The following YAF2 variants were observed in gnomAD, a reference collection of about 807,000 sequenced individuals.
The protein encoded by YAF2 is YY1 associated factor 2.
Under a neutral mutation model 20.1 loss-of-function variants are expected in YAF2, and 7 were observed. The observed-to-expected ratio is 0.35, with a 90% CI of 0.20 to 0.65. YAF2 has a LOEUF of 0.65. YAF2 is among the 30% of genes least tolerant of loss of function. The probability of loss-of-function intolerance (pLI) is 0.69; values close to 1 mark genes in which losing one functional copy is unlikely to be tolerated. For missense variants in YAF2, 151 were observed against 219.2 expected (o/e 0.69, Z 1.96); for synonymous variants, 74 against 76.0 (o/e 0.97, Z 0.14).
intron 2 of YAF2, among the ~76,000 whole-genome samples, chr12:42,176,338 C>T (rs566749109): frequency 6.6e-6 from 1 of 152,096 alleles, no homozygotes; most frequent in South Asian, 2.1e-4. Context: ...CCAGACTGGT[C>T]TCAAACTTCT....
chr12:42,230,354 C>G (rs1235172892), intron 2 of YAF2, among the ~76,000 whole-genome samples: 3 of 152,098 alleles, frequency 2.0e-5, no homozygotes, highest in African/African-American at 7.2e-5. Context: ...TGACACAGCA[C>G]AGGATTGGGA....
At chr12:42,230,165 G>A (rs976249297) in intron 2 of YAF2, among the ~76,000 whole-genome samples, 5 of 152,178 alleles carry the variant, frequency 3.3e-5, no homozygotes, top group African/African-American at 1.2e-4. Context: ...GCTGAGGCAG[G>A]AGAATCGCTC....
At chr12:42,172,523 G>T (rs1446748208) in intron 2 of YAF2, among the ~76,000 whole-genome samples, 2 of 152,036 alleles carry the variant, frequency 1.3e-5, no homozygotes, top group African/African-American at 4.8e-5. Flanking sequence ...AAGCGACTAG[G>T]GCAGGGGCTA....
intron 2 of YAF2, among the ~76,000 whole-genome samples, chr12:42,219,876 G>C (rs2067464603): frequency 1.3e-5 from 2 of 152,158 alleles, no homozygotes; most frequent in Admixed American, 6.5e-5. Flanking sequence ...TAACGCCACT[G>C]GTCTGTGGAC....
At chr12:42,205,832 T>C (rs1430815740) in intron 2 of YAF2, 1 of 353,738 alleles carries the variant, frequency 2.8e-6, no homozygotes, top group Non-Finnish European at 5.8e-6. Flanking sequence ...TATAAATTTA[T>C]CCCCAAGTAC....
intron 2 of YAF2, among the ~76,000 whole-genome samples, chr12:42,207,531 T>C (rs561759707): frequency 1.5e-3 from 222 of 152,270 alleles, no homozygotes; most frequent in African/African-American, 4.4e-3. Context: ...GAAAAATTGT[T>C]TTTAAGAAAA....
rs763774168 is a variant in YAF2 at position 42,210,608 on chromosome 12, A to G, written c.152+26991T>C. 163 of 1,536,004 alleles carry G rather than the reference A, an allele frequency of 1.1e-4. No homozygotes were observed. The highest frequency in any genetic ancestry group is 1.4e-4 in the Non-Finnish European group (157 of 1,146,916). On this transcript the variant is annotated intron_variant, in intron 2 of 3. Transcript: ENST00000534854. ...CCTCGAGGCACTCACAATAACTTCA[A>G]ACAATGTGGATCTGTGGAGATTACC...
chr12:42,237,546 C>T, intron 2 of YAF2, 53 bp downstream of exon 2: 1 of 1,470,954 alleles, frequency 6.8e-7, no homozygotes, highest in South Asian at 1.3e-5. Context: ...CAAGGGCGTC[C>T]TCTGGTCGCC....
chr12:42,217,165 T>C (rs2067379393), intron 2 of YAF2, among the ~76,000 whole-genome samples: 1 of 152,240 alleles, frequency 6.6e-6, no homozygotes, highest in Admixed American at 6.5e-5. Context: ...ATTATACTGA[T>C]GGTAAAAGAA....
chr12:42,202,706 T>C (rs2066932965), intron 2 of YAF2, among the ~76,000 whole-genome samples: 1 of 152,200 alleles, frequency 6.6e-6, no homozygotes. Context: ...TGGCATGATC[T>C]CGGCTCACTG....
chr12:42,192,660 G>C (rs1304457443), intron 2 of YAF2, among the ~76,000 whole-genome samples: 2 of 152,184 alleles, frequency 1.3e-5, no homozygotes, highest in Non-Finnish European at 1.5e-5. Context: ...CACTATTAGA[G>C]TAGCCCAGAA....
intron 2 of YAF2, among the ~76,000 whole-genome samples, chr12:42,222,379 CCT>C (rs1183744698): frequency 1.3e-5 from 2 of 152,126 alleles, no homozygotes; most frequent in African/African-American, 4.8e-5. Flanking sequence ...GTTTTATAAA[CCT>C]CTTTATTAAA....
At chr12:42,190,097 C>T (rs544310117) in intron 2 of YAF2, among the ~76,000 whole-genome samples, 1 of 152,258 alleles carries the variant, frequency 6.6e-6, no homozygotes, top group South Asian at 2.1e-4. Flanking sequence ...AATCCCAGCA[C>T]TTTGAGAGGC....
At chr12:42,178,241 C>T (rs1434865681) in intron 2 of YAF2, among the ~76,000 whole-genome samples, 2 of 152,180 alleles carry the variant, frequency 1.3e-5, no homozygotes, top group African/African-American at 2.4e-5. Flanking sequence ...CCTGGCTACA[C>T]ATTAGCATCA....
chr12:42,234,290 G>A (rs2068076502), intron 2 of YAF2: 5 of 985,244 alleles, frequency 5.1e-6, no homozygotes, highest in Non-Finnish European at 6.0e-6. Flanking sequence ...GTGTCACCGT[G>A]GCATTTTGTT....
chr12:42,179,005 A>T (rs2066269623), intron 2 of YAF2, among the ~76,000 whole-genome samples: 1 of 152,074 alleles, frequency 6.6e-6, no homozygotes, highest in Non-Finnish European at 1.5e-5. Context: ...ATGAGCTATG[A>T]CTATGCCTCT....
At chr12:42,229,538 A>G (rs2067913776) in intron 2 of YAF2, among the ~76,000 whole-genome samples, 1 of 152,250 alleles carries the variant, frequency 6.6e-6, no homozygotes, top group African/African-American at 2.4e-5. Context: ...TGTCTAGACA[A>G]TTATACTACA....
intron 2 of YAF2, among the ~76,000 whole-genome samples, chr12:42,204,268 G>A (rs765212581): frequency 6.6e-6 from 1 of 152,154 alleles, no homozygotes; most frequent in Non-Finnish European, 1.5e-5. Context: ...GTTTAAACAC[G>A]AAGTATCACA....
intron 2 of YAF2, among the ~76,000 whole-genome samples, chr12:42,213,737 G>A (rs1056528945): frequency 6.6e-6 from 1 of 152,096 alleles, no homozygotes; most frequent in Non-Finnish European, 1.5e-5. Context: ...TAAACCGTAA[G>A]TACTGAAATG....
Sources: allele counts gnomAD v4.1 joint callset (sites outside exome capture counted in the v4.1 genomes callset), GRCh38; gene constraint gnomAD v4.1.1; transcripts MANE v1.5; gene names NCBI Gene and HGNC (gene_info 2026-07-23, HGNC 2026-07-21).